SLC47A2: variants seen among roughly 807,000 people sequenced by gnomAD.
SLC47A2 encodes multidrug and toxin extrusion protein 2.
Under a neutral mutation model 67.7 loss-of-function variants are expected in SLC47A2, and 52 were observed. The observed-to-expected ratio is 0.77, with a 90% CI of 0.61 to 0.97. SLC47A2 has a LOEUF of 0.97. Ranked by LOEUF, SLC47A2 falls within the 50% of genes least tolerant of loss-of-function variation. The pLI is 0.00. For missense variants in SLC47A2, 676 were observed against 712.3 expected, an observed-to-expected ratio of 0.95 and a Z score of 0.58; for synonymous variants, 278 against 292.9, an observed-to-expected ratio of 0.95 and a Z score of 0.52.
intron 13 of SLC47A2, chr17:19,702,171 A>G (rs1220887662): frequency 2.0e-6 from 2 of 984,980 alleles, no homozygotes; most frequent in African/African-American, 3.5e-5. Flanking sequence ...TTTAGTGATC[A>G]AAGGAGCAGA....
chr17:19,693,527 C>T (rs1355333536), intron 13 of SLC47A2, among the ~76,000 whole-genome samples: 2 of 151,828 alleles, frequency 1.3e-5, no homozygotes, highest in African/African-American at 4.8e-5. Context: ...AAACCCAGCA[C>T]TTTGGGAGGC....
Position 19,713,836 on chromosome 17 carries a change from C to T in SLC47A2, c.432G>A (p.Pro144=), listed in dbSNP as rs765860425. The T allele has an allele frequency of 3.1e-6, 5 of 1,612,288 alleles. No homozygotes were observed. Among genetic ancestry groups the T allele is most frequent in the African/African-American group, 2.7e-5 (2 of 74,928 alleles). The change falls in exon 4 of 17, where the codon CCG becomes CCA. Residue 144 remains proline, a synonymous_variant. Transcript: ENST00000433844. ...GGAGCCCAGCGCACCTGGACACGTC[C>T]GGGTCCTGCCGGAAGAGCAGCAGGA... is the stretch of plus-strand genomic sequence containing the variant. ...QHILLLFRQD[P]DVSRLTQDYV...
upstream of SLC47A2, chr17:19,717,171 G>A (rs778260055): frequency 6.5e-6 from 1 of 153,288 alleles, no homozygotes; most frequent in Admixed American, 6.5e-5. Context: ...GATAGGGATG[G>A]GAGCTAGGAC....
chr17:19,684,266 A>T (rs2085372885), intron 13 of SLC47A2, among the ~76,000 whole-genome samples: 1 of 152,212 alleles, frequency 6.6e-6, no homozygotes, highest in African/African-American at 2.4e-5. Flanking sequence ...CAACAGAATT[A>T]AATTAGAGAT....
At chr17:19,705,272 T>C (rs987371475) in intron 10 of SLC47A2, 164 bp downstream of exon 10, 11 of 593,962 alleles carry the variant, frequency 1.9e-5, no homozygotes, top group Non-Finnish European at 2.6e-5. Context: ...TGTGTGTGAG[T>C]CCTGGCGTAA....
chr17:19,690,591 G>A (rs1003445183), intron 13 of SLC47A2, among the ~76,000 whole-genome samples: 6 of 152,020 alleles, frequency 3.9e-5, no homozygotes, highest in Non-Finnish European at 7.4e-5. Context: ...AATCTAATCC[G>A]ATTTAAAAAT....
chr17:19,706,682 C>G lies in SLC47A2; in HGVS notation c.807G>C (p.Glu269Asp), dbSNP rs1188891632. 1 of 1,610,574 alleles carries G rather than the reference C, an allele frequency of 6.2e-7. No individual in the cohort carries two copies. Among genetic ancestry groups the G allele is most frequent in the African/African-American group, 1.3e-5 (1 of 74,644 alleles). ...AVPSMLMICV[E>D]WWAYEIGSFL... ...AGCTCCCGATCTCATAGGCCCACCA[C>G]TCAACACAGATCATGAGCATGCTGG... Residue 269 changes from glutamate (E) to aspartate (D), a missense_variant, in exon 9 of 17, where the codon GAG (glutamate) becomes GAC (aspartate). By Grantham distance (45) the Glu-to-Asp change is conservative. Transcript: ENST00000433844.
At chr17:19,712,573 G>T in intron 5 of SLC47A2, 130 bp downstream of exon 5, 1 of 887,586 alleles carries the variant, frequency 1.1e-6, no homozygotes, top group Non-Finnish European at 1.8e-6. Flanking sequence ...GGGAACTTTT[G>T]TCAGTCACCC....
intron 13 of SLC47A2, among the ~76,000 whole-genome samples, chr17:19,689,914 AAAT>A (rs1221097040): frequency 6.6e-6 from 1 of 152,132 alleles, no homozygotes; most frequent in East Asian, 1.9e-4. Flanking sequence ...GAAATAGAAA[AAAT>A]AATACTGAAA....
chr17:19,718,335 C>T (rs911472103), upstream of SLC47A2: 5 of 152,416 alleles, frequency 3.3e-5, no homozygotes, highest in East Asian at 3.9e-4. Context: ...GGAGCCCACA[C>T]GTGGAGGTAT....
At position 19,706,680 on chromosome 17, in the gene SLC47A2, C is replaced by A. The variant is rs978679473; in HGVS notation, c.809G>T (p.Trp270Leu). The change falls in exon 9 of 17, where the codon TGG (tryptophan) becomes TTG (leucine). Residue 270 changes from tryptophan (W) to leucine (L), a missense_variant. Transcript: ENST00000433844. ...VPSMLMICVEWWAYEIGSFLM... is the reference protein window; with the variant it reads ...VPSMLMICVELWAYEIGSFLM... The stretch of plus-strand genomic sequence containing the variant: ...GAAGCTCCCGATCTCATAGGCCCAC[C>A]ACTCAACACAGATCATGAGCATGCT... 3 of 1,608,728 alleles carry A rather than the reference C, an allele frequency of 1.9e-6. No homozygotes were observed. Among genetic ancestry groups the A allele is most frequent in the African/African-American group, 2.7e-5 (2 of 74,490 alleles).
intron 13 of SLC47A2, among the ~76,000 whole-genome samples, chr17:19,697,822 C>T (rs894266153): frequency 5.3e-5 from 8 of 151,692 alleles, no homozygotes; most frequent in Non-Finnish European, 7.4e-5. Context: ...CTTGACCTCC[C>T]GGGCTCAAGC....
At chr17:19,695,499 C>CAAAAAAAAAAAAAAAACA (rs369851386) in intron 13 of SLC47A2, among the ~76,000 whole-genome samples, 1 of 55,434 alleles carries the variant, frequency 1.8e-5, no homozygotes. Context: ...AAACAAAGAA[C>CAAAAAAAAAAAAAAAACA]AAAAAAAAAA....
Position 19,698,817 on chromosome 17 carries a change from A to G in SLC47A2, c.1164+3788T>C, listed in dbSNP as rs975553245. Among the ~76,000 whole-genome samples the G allele has an allele frequency of 2.7e-5, 4 of 149,516 alleles. No homozygotes were observed. In the South Asian group the frequency reaches 6.6e-4, roughly 25 times the overall value. On this transcript the variant is annotated intron_variant, in intron 13 of 16. Transcript: ENST00000433844. The stretch of plus-strand genomic sequence containing the variant: ...CACAGCTTCTGCATCCGTGGATGCA[A>G]CCAGCCATGGATCAAAAATATTTGA...
At chr17:19,714,634 G>A in intron 3 of SLC47A2, 87 bp downstream of exon 3, 3 of 1,505,316 alleles carry the variant, frequency 2.0e-6, no homozygotes, top group Admixed American at 1.7e-5. Context: ...ACCTGGCTGC[G>A]CCCCTCCCAC....
intron 10 of SLC47A2, chr17:19,704,628 T>C: frequency 6.5e-7 from 1 of 1,528,354 alleles, no homozygotes. Context: ...AAAGCTGGGG[T>C]CAGGGATAAC....
At chr17:19,679,205 C>T (rs916350229) in intron 16 of SLC47A2, among the ~76,000 whole-genome samples, 3 of 152,322 alleles carry the variant, frequency 2.0e-5, no homozygotes, top group Admixed American at 2.0e-4. Context: ...GCTTCAAAAG[C>T]ACGTGGGAAA....
intron 10 of SLC47A2, chr17:19,704,505 T>TCGG: frequency 1.2e-6 from 1 of 801,984 alleles, no homozygotes; most frequent in Admixed American, 3.0e-5. Flanking sequence ...GACTGTGGTC[T>TCGG]TAGTCCCAGA....
In SLC47A2 at chr17:19,705,459, C is replaced by G; in HGVS notation, c.886G>C (p.Glu296Gln). 6.2e-7 allele frequency: 1 copy of G among 1,612,502 alleles called. No homozygotes were observed. Among genetic ancestry groups the G allele is most frequent in the Non-Finnish European group, 8.5e-7 (1 of 1,179,576 alleles). ...ACCATGTAGGTCACAGTGGCCACCT[C>G]GTAGATGACAGCCTGGGCAGAGAGA... ...VDLSAQAVIY[E>Q]VATVTYMIPL... The change falls in exon 10 of 17, where the codon GAG (glutamate) becomes CAG (glutamine). Residue 296 changes from glutamate (E) to glutamine (Q), a missense_variant. By Grantham distance (29) the Glu-to-Gln change is conservative (BLOSUM62 2). Transcript: ENST00000433844.
Sources: allele counts gnomAD v4.1 joint callset (sites outside exome capture counted in the v4.1 genomes callset), GRCh38; gene constraint gnomAD v4.1.1; transcripts MANE v1.5; gene names NCBI Gene and HGNC (gene_info 2026-07-23, HGNC 2026-07-21).